MAGI2: variants seen among roughly 807,000 people sequenced by gnomAD.
MAGI2 encodes membrane associated guanylate kinase, WW and PDZ domain containing 2.
A neutral mutation model predicts 133.3 loss-of-function variants in MAGI2; 35 were observed. The observed-to-expected ratio is 0.26, with a 90% confidence interval of 0.20 to 0.35. The LOEUF (loss-of-function observed/expected upper bound fraction) is 0.35, where lower values mean the gene tolerates loss of function less well. Ranked by LOEUF, MAGI2 falls within the 10% of genes least tolerant of loss-of-function variation. MAGI2 has a pLI of 1.00. For missense variants in MAGI2, 1,636 were observed against 1,863.4 expected, an observed-to-expected ratio of 0.88 and a Z score of 2.25; for synonymous variants, 729 against 710.6, an observed-to-expected ratio of 1.03 and a Z score of -0.41.
intron 2 of MAGI2, among the ~76,000 whole-genome samples, chr7:78,654,372 T>G (rs563464261): frequency 1.3e-5 from 2 of 152,114 alleles, no homozygotes; most frequent in Non-Finnish European, 2.9e-5. Flanking sequence ...TAAATTATGT[T>G]AAATAGATAT....
chr7:79,439,475 C>A (rs1236090644), intron 1 of MAGI2, among the ~76,000 whole-genome samples: 1 of 152,102 alleles, frequency 6.6e-6, no homozygotes, highest in Non-Finnish European at 1.5e-5. Flanking sequence ...TACCCCTCTG[C>A]TTCTTCCTGT....
At chr7:78,871,302 T>G (rs1439923940) in intron 2 of MAGI2, among the ~76,000 whole-genome samples, 1 of 151,890 alleles carries the variant, frequency 6.6e-6, no homozygotes, top group African/African-American at 2.4e-5. Context: ...AGAGCGAGAC[T>G]CCATCTCAAA....
chr7:79,413,092 C>T (rs751434429), intron 1 of MAGI2: 6 of 152,096 alleles, frequency 3.9e-5, no homozygotes, highest in African/African-American at 7.2e-5. Flanking sequence ...ATGAACAACT[C>T]GGAAGACAAA....
chr7:78,890,635 C>T (rs572968402), intron 2 of MAGI2, among the ~76,000 whole-genome samples: 506 of 152,170 alleles, frequency 3.3e-3, no homozygotes, highest in Non-Finnish European at 5.4e-3. Context: ...CTACTGGGAA[C>T]ATAACGAAAT....
At chr7:79,357,376 A>G (rs1842090771) in intron 1 of MAGI2, among the ~76,000 whole-genome samples, 1 of 151,842 alleles carries the variant, frequency 6.6e-6, no homozygotes, top group Non-Finnish European at 1.5e-5. Context: ...CAGAAAGGGC[A>G]TAAATGCTGA....
intron 1 of MAGI2, among the ~76,000 whole-genome samples, chr7:79,086,496 G>A (rs1463951977): frequency 6.6e-6 from 1 of 151,916 alleles, no homozygotes; most frequent in Non-Finnish European, 1.5e-5. Context: ...ATTCAGCCAT[G>A]TTTCCTGGAT....
chr7:78,623,469 G>A (rs1807966392), intron 3 of MAGI2, among the ~76,000 whole-genome samples: 1 of 151,734 alleles, frequency 6.6e-6, no homozygotes, highest in African/African-American at 2.4e-5. Context: ...TATAGTTTAA[G>A]GCAGCTTTAT....
chr7:78,630,232 G>C (rs1213162275), intron 2 of MAGI2, among the ~76,000 whole-genome samples: 1 of 151,556 alleles, frequency 6.6e-6, no homozygotes, highest in Non-Finnish European at 1.5e-5. Context: ...TTTAAAAAAT[G>C]AGAGTTTAAC....
Position 79,453,332 on chromosome 7 carries a change from G to C in MAGI2, c.-12C>G, listed in dbSNP as rs370541638. 4 of 1,595,744 alleles carry C rather than the reference G, an allele frequency of 2.5e-6. No individual in the cohort carries two copies. Among genetic ancestry groups the C allele is most frequent in the Non-Finnish European group, 2.6e-6 (3 of 1,169,916 alleles). On this transcript the variant is annotated 5_prime_UTR_variant, in exon 1 of 22. Coordinates refer to ENST00000354212, the MANE Select transcript of MAGI2 (RefSeq NM_012301.4). ...AAGCTTTTGGACATGGCAGTGGGGCGAGTCGCCTCAGTTCCTGGGCTCCTT... is the reference window on the plus strand; with the variant it reads ...AAGCTTTTGGACATGGCAGTGGGGCCAGTCGCCTCAGTTCCTGGGCTCCTT...
intron 21 of MAGI2, among the ~76,000 whole-genome samples, chr7:78,046,150 C>T (rs965086382): frequency 4.5e-4 from 68 of 151,304 alleles, no homozygotes; most frequent in Non-Finnish European, 2.9e-5. Context: ...CATCCCAGCA[C>T]TTTGGGAGGC....
chr7:78,830,215 T>G (rs534871832), intron 2 of MAGI2, among the ~76,000 whole-genome samples: 2 of 152,262 alleles, frequency 1.3e-5, no homozygotes, highest in South Asian at 4.1e-4. Context: ...ATTTAATTCT[T>G]ACATTGGGCA....
intron 1 of MAGI2, among the ~76,000 whole-genome samples, chr7:79,192,163 T>A (rs1827730902): frequency 6.6e-6 from 1 of 151,986 alleles, no homozygotes; most frequent in East Asian, 1.9e-4. Context: ...CCGTGTCCTA[T>A]TTTTTACCAT....
intron 2 of MAGI2, among the ~76,000 whole-genome samples, chr7:78,808,482 T>C (rs2151401226): frequency 6.6e-6 from 1 of 152,284 alleles, no homozygotes; most frequent in African/African-American, 2.4e-5. Context: ...GGTCTCGATC[T>C]CTTGACCTCG....
intron 1 of MAGI2, among the ~76,000 whole-genome samples, chr7:79,439,137 A>G (rs1487157186): frequency 6.6e-6 from 1 of 152,000 alleles, no homozygotes; most frequent in African/African-American, 2.4e-5. Flanking sequence ...ACCTTGGGTC[A>G]CACTCTTCTC....
intron 3 of MAGI2, among the ~76,000 whole-genome samples, chr7:78,581,669 C>T (rs1018962337): frequency 2.6e-5 from 4 of 152,064 alleles, no homozygotes; most frequent in African/African-American, 9.7e-5. Context: ...TCATTGAAGC[C>T]CCTGTAATAA....
chr7:79,310,314 G>A (rs1305481873), intron 1 of MAGI2, among the ~76,000 whole-genome samples: 2 of 151,062 alleles, frequency 1.3e-5, no homozygotes, highest in African/African-American at 4.9e-5. Flanking sequence ...ATGGAGGGAT[G>A]AAAGAACATA....
At chr7:78,362,001 G>A (rs1476760415) in intron 7 of MAGI2, among the ~76,000 whole-genome samples, 1 of 152,020 alleles carries the variant, frequency 6.6e-6, no homozygotes, top group Non-Finnish European at 1.5e-5. Context: ...AAGGATCGTG[G>A]TATAAAAACA....
chr7:78,706,369 C>G (rs548646892), intron 2 of MAGI2, among the ~76,000 whole-genome samples: 1 of 150,012 alleles, frequency 6.7e-6, no homozygotes, highest in African/African-American at 2.5e-5. Context: ...TTTCACCCCC[C>G]GCCATGATTC....
intron 2 of MAGI2, among the ~76,000 whole-genome samples, chr7:78,797,382 G>A (rs537065795): frequency 2.6e-5 from 4 of 152,118 alleles, no homozygotes; most frequent in African/African-American, 9.6e-5. Flanking sequence ...TTATGTGTGA[G>A]CTCTAGAAAC....
Sources: allele counts gnomAD v4.1 joint callset (sites outside exome capture counted in the v4.1 genomes callset), GRCh38; gene constraint gnomAD v4.1.1; transcripts MANE v1.5; gene names NCBI Gene and HGNC (gene_info 2026-07-23, HGNC 2026-07-21).